Variants in DRC8 observed in about 807,000 individuals in gnomAD.
The protein encoded by DRC8 is dynein regulatory complex subunit 8.
At chr1:244,982,446 C>T in the DRC8 span, among the ~76,000 whole-genome samples, 1 of 152,180 alleles carries the variant, frequency 6.6e-6, no homozygotes, top group Non-Finnish European at 1.5e-5. Context: ...GGGTGGGTCA[C>T]TTGAGGTTAG....
chr1:245,041,160 G>C, the DRC8 span, among the ~76,000 whole-genome samples: 4 of 152,178 alleles, frequency 2.6e-5, no homozygotes, highest in Admixed American at 1.3e-4. Context: ...GTGTGAAGCA[G>C]GGGAGAGCAA....
the DRC8 span, chr1:244,970,215 A>G: frequency 1.3e-6 from 1 of 756,786 alleles, no homozygotes; most frequent in Admixed American, 2.1e-5. Flanking sequence ...GTCTTCCCCC[A>G]GCGCGAGGGT....
At chr1:245,045,330 G>T in the DRC8 span, among the ~76,000 whole-genome samples, 2,148 of 152,314 alleles carry the variant, frequency 0.014, 30 homozygotes, top group Non-Finnish European at 0.019. Context: ...GGTTGTGACT[G>T]CAAGTTGTCC....
At chr1:245,095,750 A>G in the DRC8 span, among the ~76,000 whole-genome samples, 2 of 152,206 alleles carry the variant, frequency 1.3e-5, no homozygotes, top group South Asian at 2.1e-4. Context: ...ATTATAATAA[A>G]TTGTGACCAA....
chr1:245,114,287 AC>A, the DRC8 span, among the ~76,000 whole-genome samples: 1 of 151,820 alleles, frequency 6.6e-6, no homozygotes, highest in Non-Finnish European at 1.5e-5. Context: ...ATATGGTGAA[AC>A]CCTGTTTCTG....
At chr1:245,010,849 T>C in the DRC8 span, among the ~76,000 whole-genome samples, 3 of 151,882 alleles carry the variant, frequency 2.0e-5, no homozygotes, top group Non-Finnish European at 4.4e-5. Flanking sequence ...ACCTGGGTAA[T>C]TTTTTGCATT....
At chr1:245,115,469 G>A in the DRC8 span, among the ~76,000 whole-genome samples, 3 of 152,232 alleles carry the variant, frequency 2.0e-5, no homozygotes, top group African/African-American at 7.2e-5. Flanking sequence ...TAGTTGAGAA[G>A]TGAAGTTCAG....
At chr1:245,063,150 C>T in the DRC8 span, among the ~76,000 whole-genome samples, 1 of 152,108 alleles carries the variant, frequency 6.6e-6, no homozygotes, top group Non-Finnish European at 1.5e-5. Flanking sequence ...CTCCCACTTC[C>T]GTCAGCTTGG....
At chr1:245,039,300 C>CA in the DRC8 span, among the ~76,000 whole-genome samples, 127 of 27,476 alleles carry the variant, frequency 4.6e-3, 20 homozygotes, top group African/African-American at 0.016. Context: ...CTTGTCTCTA[C>CA]AAAAAAAAAA....
chr1:245,062,202 C>A, the DRC8 span, among the ~76,000 whole-genome samples: 1 of 152,186 alleles, frequency 6.6e-6, no homozygotes, highest in African/African-American at 2.4e-5. Flanking sequence ...TAGACACATT[C>A]TTTTCTCTTT....
At chr1:244,996,330 G>A in the DRC8 span, among the ~76,000 whole-genome samples, 5 of 151,964 alleles carry the variant, frequency 3.3e-5, no homozygotes, top group Non-Finnish European at 5.9e-5. Flanking sequence ...GTGATGTGCT[G>A]TTACTTCTGC....
the DRC8 span, among the ~76,000 whole-genome samples, chr1:245,079,262 C>T: frequency 6.6e-6 from 1 of 152,072 alleles, no homozygotes; most frequent in Non-Finnish European, 1.5e-5. Flanking sequence ...ACAATTTCTG[C>T]CCAAGTTGAA....
At chr1:245,024,443 G>T in the DRC8 span, among the ~76,000 whole-genome samples, 18 of 152,018 alleles carry the variant, frequency 1.2e-4, no homozygotes, top group Admixed American at 1.1e-3. Context: ...AGTTTCTTCA[G>T]TCCTTCTGAA....
At chr1:244,974,520 G>C in the DRC8 span, among the ~76,000 whole-genome samples, 1 of 152,078 alleles carries the variant, frequency 6.6e-6, no homozygotes, top group Admixed American at 6.5e-5. Flanking sequence ...GGTTTTACAA[G>C]GTTTGTTGTT....
At chr1:245,070,523 T>C in the DRC8 span, among the ~76,000 whole-genome samples, 1 of 152,250 alleles carries the variant, frequency 6.6e-6, no homozygotes, top group Non-Finnish European at 1.5e-5. Context: ...ATTTGCATTT[T>C]ATTTTATTTT....
At chr1:244,973,170 C>T in the DRC8 span, among the ~76,000 whole-genome samples, 1 of 152,252 alleles carries the variant, frequency 6.6e-6, no homozygotes, top group East Asian at 1.9e-4. Flanking sequence ...AGGGTATATA[C>T]ATTGACTTGA....
At chr1:245,053,402 C>T in the DRC8 span, among the ~76,000 whole-genome samples, 1 of 152,150 alleles carries the variant, frequency 6.6e-6, no homozygotes, top group Non-Finnish European at 1.5e-5. Context: ...GCATCCGTGT[C>T]GTCTGCACCA....
At chr1:245,025,904 T>C in the DRC8 span, among the ~76,000 whole-genome samples, 1 of 152,186 alleles carries the variant, frequency 6.6e-6, no homozygotes, top group African/African-American at 2.4e-5. Context: ...CTCCTTCGCC[T>C]TCCACCATGA....
chr1:244,978,329 A>G, the DRC8 span, among the ~76,000 whole-genome samples: 3 of 152,074 alleles, frequency 2.0e-5, no homozygotes, highest in African/African-American at 4.8e-5. Context: ...CCCCGTCTCT[A>G]TTAAAAATAC....
Sources: gnomAD v4.1 joint callset for allele counts (sites outside exome capture counted in the v4.1 genomes callset) on GRCh38, gnomAD v4.1.1 for gene constraint, MANE v1.5 for transcripts, NCBI Gene and HGNC (gene_info 2026-07-23, HGNC 2026-07-21) for gene names.